GMNN: variants seen among roughly 807,000 people sequenced by gnomAD.
GMNN encodes the protein geminin DNA replication inhibitor.
A neutral mutation model predicts 20.9 loss-of-function variants in GMNN; 14 were observed. The ratio of observed to expected loss-of-function variants is 0.67; its 90% CI spans 0.44 to 1.05. The LOEUF (loss-of-function observed/expected upper bound fraction) is 1.05, where lower values mean the gene tolerates loss of function less well. Among genes scored for constraint, GMNN ranks in the 50% least tolerant of loss-of-function variants. GMNN has a pLI of 0.00. For synonymous variants in GMNN, 81 were observed against 85.8 expected (o/e 0.94, Z 0.31); for missense variants, 227 against 243.8 (o/e 0.93, Z 0.46).
intron 1 of GMNN, chr6:24,775,497 A>G (rs1054095487): frequency 1.3e-5 from 2 of 152,436 alleles, no homozygotes; most frequent in African/African-American, 2.4e-5. Flanking sequence ...GGGGACTGCA[A>G]CGCGGGTAAG....
intron 3 of GMNN, 91 bp from the exon 4 acceptor site, chr6:24,781,385 CG>C: frequency 1.3e-6 from 1 of 750,074 alleles, no homozygotes; most frequent in South Asian, 2.0e-5. Context: ...GTTAGATATG[CG>C]TACTCTTTTT....
Position 24,782,055 on chromosome 6 carries a change from A to C in GMNN, c.274+434A>C, listed in dbSNP as rs75625340. ...ATGTATGATAGCACCACTGCACTCC[A>C]GCCTGGGATACAGGGCAAGACCCGG... On this transcript the variant is annotated intron_variant, in intron 4 of 6. Transcript: ENST00000230056. Among the ~76,000 whole-genome samples the C allele has an allele frequency of 5.9e-5, 9 of 152,230 alleles. No homozygotes were observed. The East Asian group carries it at 1.7e-3, about 29-fold the overall frequency.
At chr6:24,775,645 A>G (rs1273588089) in intron 1 of GMNN, 1 of 152,230 alleles carries the variant, frequency 6.6e-6, no homozygotes, top group Non-Finnish European at 1.5e-5. Flanking sequence ...GTCTCCCATT[A>G]AACGGATACT....
At chr6:24,781,678 T>C in intron 4 of GMNN, 57 bp downstream of exon 4, 1 of 763,110 alleles carries the variant, frequency 1.3e-6, no homozygotes, top group Non-Finnish European at 2.0e-6. Flanking sequence ...AAGGAAAAAT[T>C]TGTTAATACT....
In GMNN at chr6:24,780,761, A is replaced by G. The variant is rs373374203; in HGVS notation, c.129+21A>G. 1.2e-4 allele frequency: 138 copies of G among 1,173,748 alleles called. No homozygotes were observed. The African/African-American group carries it at 1.5e-3, about 12-fold the overall frequency. 72.7% of individuals were successfully genotyped at this position (1,173,748 alleles called of 1,614,324 possible). A position where few individuals can be genotyped will look rare whatever the true frequency, so the allele number is the denominator to read the frequency against. On this transcript the variant is annotated intron_variant, in intron 3 of 6. Coordinates refer to ENST00000230056, the MANE Select transcript of GMNN (RefSeq NM_015895.5). ...ATGAGGTATGCACTATATGGCTAAA[A>G]TGGGGTACTGGTGATACAGTGTCTA... is the stretch of plus-strand genomic sequence containing the variant.
chr6:24,780,309 C>G (rs373893383), intron 2 of GMNN, among the ~76,000 whole-genome samples: 3 of 152,070 alleles, frequency 2.0e-5, no homozygotes, highest in Admixed American at 6.6e-5. Flanking sequence ...AATTTTGTTA[C>G]GTTTGTTTTA....
intron 6 of GMNN, among the ~76,000 whole-genome samples, chr6:24,785,055 G>T (rs1006520406): frequency 6.6e-6 from 1 of 152,068 alleles, no homozygotes; most frequent in African/African-American, 2.4e-5. Context: ...GGTTTTATCT[G>T]ACTTTAAAAC....
Position 24,780,759 on chromosome 6 carries a change from A to C in GMNN, c.129+19A>C, listed in dbSNP as rs192454776. 6 of 1,206,654 alleles carry C rather than the reference A, an allele frequency of 5.0e-6. No homozygotes were observed. In the East Asian group the frequency reaches 1.4e-4, roughly 28 times the overall value. 74.7% of individuals were successfully genotyped at this position (1,206,654 alleles called of 1,614,324 possible). On this transcript the variant is annotated intron_variant, in intron 3 of 6. Coordinates refer to ENST00000230056, the MANE Select transcript of GMNN (RefSeq NM_015895.5). ...AAATGAGGTATGCACTATATGGCTA[A>C]AATGGGGTACTGGTGATACAGTGTC...
Position 24,784,139 on chromosome 6 carries a change from G to T in GMNN, c.327G>T (p.Ala109=). 6.6e-7 allele frequency: 1 copy of T among 1,524,474 alleles called. No homozygotes were observed. 94.4% of individuals were successfully genotyped at this position (1,524,474 alleles called of 1,614,324 possible). Residue 109 remains alanine, a synonymous_variant, in exon 5 of 7, where the codon GCG becomes GCT. Transcript: ENST00000230056. ...AAGTGGCAGAAAAACGGAGAAAGGC[G>T]CTGTATGAAGCACTTAAGGAAAATG... The part of the protein sequence containing the change: ...WKEVAEKRRK[A]LYEALKENEK...
chr6:24,775,483 G>T (rs1222946439), intron 1 of GMNN: 1 of 152,340 alleles, frequency 6.6e-6, no homozygotes, highest in South Asian at 2.1e-4. Context: ...CTGGGTCCGG[G>T]CTTGGGGACT....
In GMNN at chr6:24,785,756, A is replaced by G. The variant is rs776256972; in HGVS notation, c.587A>G (p.Glu196Gly). The change falls in exon 7 of 7, where the codon GAA becomes GGA. Residue 196 changes from glutamate to glycine, a missense_variant. Glu to Gly is a moderately conservative substitution (Grantham distance 98). Coordinates refer to ENST00000230056, the MANE Select transcript of GMNN (RefSeq NM_015895.5). Reference protein sequence around the residue: ...VEDSEIGTCAEGTVSSSTDAK... With the variant: ...VEDSEIGTCAGGTVSSSTDAK... ...GACTCAGAAATTGGCACGTGTGCTG[A>G]AGGAACTGTATCTTCCTCTACGGAT... is the stretch of plus-strand genomic sequence containing the variant. The G allele has an allele frequency of 1.3e-6, 2 of 1,591,344 alleles. No individual in the cohort carries two copies. Among genetic ancestry groups the G allele is most frequent in the South Asian group, 2.3e-5 (2 of 88,066 alleles).
At chr6:24,781,228 A>T (rs9467313) in intron 3 of GMNN, among the ~76,000 whole-genome samples, 3,040 of 150,672 alleles carry the variant, frequency 0.02, 103 homozygotes, top group African/African-American at 0.071. Flanking sequence ...AAAATTTTTT[A>T]AAAAATAAAT....
intron 2 of GMNN, among the ~76,000 whole-genome samples, chr6:24,780,081 AG>A (rs1392553000): frequency 6.6e-6 from 1 of 152,222 alleles, no homozygotes; most frequent in Non-Finnish European, 1.5e-5. Context: ...CTTTTTGATT[AG>A]GGAAAGAAAT....
Position 24,784,412 on chromosome 6 carries a change from A to G in GMNN, c.358-32A>G, listed in dbSNP as rs779870431. ...ATTTGATTTATAGCATAGCAAATCT[A>G]TGGAATACTGAACTTTATTTATGTA... On this transcript the variant is annotated intron_variant, in intron 5 of 6. Transcript: ENST00000230056. 16 of 971,536 alleles carry G rather than the reference A, an allele frequency of 1.6e-5. No individual in the cohort carries two copies. In the East Asian group the frequency reaches 2.9e-4, roughly 17 times the overall value. 60.2% of individuals were successfully genotyped at this position (971,536 alleles called of 1,614,324 possible).
chr6:24,781,540 C>G lies in GMNN; in HGVS notation c.193C>G (p.Pro65Ala), dbSNP rs763108405. 1 of 1,581,306 alleles carries G rather than the reference C, an allele frequency of 6.3e-7. No individual in the cohort carries two copies. The highest frequency in any genetic ancestry group is 8.6e-7 in the Non-Finnish European group (1 of 1,156,260). The change falls in exon 4 of 7, where the codon CCT becomes GCT. Residue 65 changes from proline (P) to alanine (A), a missense_variant. Physicochemically the swap from Pro to Ala is conservative, Grantham distance 27. Transcript: ENST00000230056. ...CCACTTAACATCTACAACTTCCAGC[C>G]CTGGGGTTATTGTCCCAGAATCTAG... ...NDHLTSTTSS[P>A]GVIVPESSEN...
chr6:24,780,323 A>G (rs751258929), intron 2 of GMNN, among the ~76,000 whole-genome samples: 1 of 152,238 alleles, frequency 6.6e-6, no homozygotes. Context: ...TGTTTTAACT[A>G]GATATGATTA....
intron 1 of GMNN, 113 bp from the exon 2 acceptor site, chr6:24,777,109 G>C: frequency 2.4e-6 from 1 of 425,010 alleles, no homozygotes; most frequent in Non-Finnish European, 4.3e-6. Context: ...TTTGGATTAA[G>C]AGAGAAAAAA....
At chr6:24,782,594 TA>T (rs1265122713) in intron 4 of GMNN, among the ~76,000 whole-genome samples, 1 of 152,194 alleles carries the variant, frequency 6.6e-6, no homozygotes, top group East Asian at 1.9e-4. Flanking sequence ...TGGATAGAAA[TA>T]AAGCAGCTCT....
chr6:24,777,456 C>T (rs1033658400), intron 2 of GMNN, 159 bp downstream of exon 2: 4 of 402,602 alleles, frequency 9.9e-6, no homozygotes, highest in Admixed American at 4.5e-5. Context: ...AAACTAATTA[C>T]GGTTGAATAT....
Sources: gnomAD v4.1 joint callset for allele counts (sites outside exome capture counted in the v4.1 genomes callset) on GRCh38, gnomAD v4.1.1 for gene constraint, MANE v1.5 for transcripts, NCBI Gene and HGNC (gene_info 2026-07-23, HGNC 2026-07-21) for gene names.